Variants in TTC39B observed in about 807,000 individuals in gnomAD.
TTC39B encodes tetratricopeptide repeat protein 39B.
A neutral mutation model predicts 96.6 loss-of-function variants in TTC39B; 92 were observed. The observed-to-expected ratio is 0.95, with a 90% CI of 0.80 to 1.13. TTC39B has a LOEUF of 1.13. Ranked by LOEUF, TTC39B falls within the 50% of genes most tolerant of loss-of-function variation. The pLI is 0.00. For synonymous variants in TTC39B, 367 were observed against 299.4 expected (o/e 1.23, Z -2.33); for missense variants, 955 against 809.3 (o/e 1.18, Z -2.18).
chr9:15,261,376 T>A (rs1822939386), intron 2 of TTC39B, among the ~76,000 whole-genome samples: 1 of 151,896 alleles, frequency 6.6e-6, no homozygotes, highest in Non-Finnish European at 1.5e-5. Context: ...CTTGGGAGGC[T>A]AGGTGGGAGG....
At chr9:15,223,154 A>T (rs981609210) in intron 3 of TTC39B, among the ~76,000 whole-genome samples, 3 of 152,234 alleles carry the variant, frequency 2.0e-5, no homozygotes, top group Non-Finnish European at 2.9e-5. Context: ...GTGACAAGGC[A>T]TTTTAGCTGA....
intron 3 of TTC39B, 132 bp from the exon 4 acceptor site, chr9:15,214,381 TG>T: frequency 1.5e-6 from 1 of 654,792 alleles, no homozygotes; most frequent in Non-Finnish European, 2.6e-6. Context: ...TGTCTGTGTG[TG>T]GATTCTGGAG....
intron 19 of TTC39B, among the ~76,000 whole-genome samples, chr9:15,173,747 CA>C (rs889741300): frequency 2.0e-5 from 3 of 152,164 alleles, no homozygotes; most frequent in Admixed American, 1.3e-4. Context: ...CTGTTGACTG[CA>C]ATCTCTACAT....
At chr9:15,174,082 C>A (rs757918895) in intron 19 of TTC39B, among the ~76,000 whole-genome samples, 1 of 152,096 alleles carries the variant, frequency 6.6e-6, no homozygotes, top group Non-Finnish European at 1.5e-5. Flanking sequence ...ATCATTTCCC[C>A]AAGGAAATAT....
Position 15,306,989 on chromosome 9 carries a change from C to T in TTC39B, c.240+95G>A. 2.0e-6 allele frequency: 3 copies of T among 1,525,544 alleles called. No individual in the cohort carries two copies. The highest frequency in any genetic ancestry group is 2.6e-6 in the Non-Finnish European group (3 of 1,132,396). 94.5% of individuals were successfully genotyped at this position (1,525,544 alleles called of 1,614,324 possible). A position where few individuals can be genotyped will look rare whatever the true frequency, so the allele number is the denominator to read the frequency against. On this transcript the variant is annotated intron_variant, in intron 1 of 19. Transcript: ENST00000512701. This position sits in a 1 kb window ranked among gnomAD's most constrained non-coding sequence, Gnocchi z 5.1. ...CACCCCAGAGAGGGGACCAAGGGGGCGGGGCCTCGGCCGTCCTAGCCGGGC... is the reference window on the plus strand; with the variant it reads ...CACCCCAGAGAGGGGACCAAGGGGGTGGGGCCTCGGCCGTCCTAGCCGGGC...
chr9:15,250,589 C>A (rs1351233927), intron 2 of TTC39B, among the ~76,000 whole-genome samples: 1 of 152,084 alleles, frequency 6.6e-6, no homozygotes, highest in Non-Finnish European at 1.5e-5. Context: ...GGGAATTAAA[C>A]ACATATATGA....
chr9:15,220,941 T>C lies in TTC39B; in HGVS notation c.371+4976A>G, dbSNP rs1208414401. 4.6e-5 allele frequency among the ~76,000 whole-genome samples: 7 copies of C among 152,172 alleles called. No homozygotes were observed. The East Asian group carries it at 1.3e-3, about 29-fold the overall frequency. On this transcript the variant is annotated intron_variant, in intron 3 of 19. Coordinates refer to ENST00000512701, the Ensembl canonical transcript of TTC39B. ...GCTAAGCAAGGTCGAGCCTGGTTAGTACTTGGACAAGAGACATTTTGGGCA... is the reference window on the plus strand; with the variant it reads ...GCTAAGCAAGGTCGAGCCTGGTTAGCACTTGGACAAGAGACATTTTGGGCA...
chr9:15,289,124 G>A (rs999690522), intron 1 of TTC39B, among the ~76,000 whole-genome samples: 1 of 152,182 alleles, frequency 6.6e-6, no homozygotes, highest in African/African-American at 2.4e-5. Flanking sequence ...AGGAAACTGT[G>A]GCTCAAAGTG....
intron 6 of TTC39B, among the ~76,000 whole-genome samples, chr9:15,205,659 A>C (rs144306737): frequency 1.5e-3 from 228 of 152,318 alleles, no homozygotes; most frequent in Middle Eastern, 0.014. Context: ...CGGGATACCA[A>C]CTGGTAACTT....
intron 3 of TTC39B, 66 bp from the exon 4 acceptor site, chr9:15,214,315 A>AGTGTGTGTGTGT (rs199807096): frequency 4.4e-4 from 323 of 732,818 alleles, no homozygotes; most frequent in African/African-American, 1.6e-3. Flanking sequence ...GTCCGAAGGG[A>AGTGTGTGTGTGT]GTGTGTGTGT....
chr9:15,204,758 G>A (rs569819688), intron 6 of TTC39B, among the ~76,000 whole-genome samples: 1 of 152,072 alleles, frequency 6.6e-6, no homozygotes, highest in Admixed American at 6.5e-5. Flanking sequence ...TATAGAAAGA[G>A]GTAGCACTAC....
intron 2 of TTC39B, among the ~76,000 whole-genome samples, chr9:15,245,331 C>G (rs1429095851): frequency 6.6e-5 from 10 of 152,096 alleles, no homozygotes; most frequent in Admixed American, 3.3e-4. Context: ...GTAGGAAAAA[C>G]AAACAAAACT....
intron 1 of TTC39B, among the ~76,000 whole-genome samples, chr9:15,271,558 G>C (rs1262769422): frequency 2.0e-5 from 3 of 152,140 alleles, no homozygotes; most frequent in Non-Finnish European, 4.4e-5. Context: ...AGTAGGGTTA[G>C]CTCTCCTGAG....
At chr9:15,260,856 G>A (rs888704840) in intron 2 of TTC39B, among the ~76,000 whole-genome samples, 5 of 152,166 alleles carry the variant, frequency 3.3e-5, no homozygotes, top group Admixed American at 3.3e-4. Context: ...CTACAGGTAA[G>A]TACAAATTCA....
chr9:15,211,976 A>G (rs1020717290), intron 4 of TTC39B, among the ~76,000 whole-genome samples: 1 of 152,214 alleles, frequency 6.6e-6, no homozygotes, highest in Non-Finnish European at 1.5e-5. Flanking sequence ...TCAAATCATC[A>G]AGTTACAGTG....
chr9:15,219,116 T>C (rs544165676), intron 3 of TTC39B, among the ~76,000 whole-genome samples: 1 of 152,304 alleles, frequency 6.6e-6, no homozygotes, highest in African/African-American at 2.4e-5. Flanking sequence ...AAAGGAAAAG[T>C]CTTTTCTCTA....
intron 3 of TTC39B, among the ~76,000 whole-genome samples, chr9:15,219,952 C>A (rs867349017): frequency 1.3e-5 from 2 of 152,306 alleles, no homozygotes; most frequent in Non-Finnish European, 1.5e-5. Context: ...CGCATCTAAG[C>A]TATAATACAT....
At chr9:15,262,593 T>C (rs7870423) in intron 2 of TTC39B, among the ~76,000 whole-genome samples, 4,334 of 152,192 alleles carry the variant, frequency 0.028, 197 homozygotes, top group African/African-American at 0.099. Flanking sequence ...TTTCTCAAAA[T>C]AGTTAAAATA....
At chr9:15,203,081 C>T (rs1819635457) in intron 7 of TTC39B, among the ~76,000 whole-genome samples, 1 of 152,186 alleles carries the variant, frequency 6.6e-6, no homozygotes, top group African/African-American at 2.4e-5. Context: ...GCTATGCATG[C>T]ATAACTGAAC....
Sources: gnomAD v4.1 joint callset for allele counts (sites outside exome capture counted in the v4.1 genomes callset) on GRCh38, gnomAD v4.1.1 for gene constraint, Gnocchi (gnomAD v3.1) non-coding constraint, MANE v1.5 for transcripts, NCBI Gene and HGNC (gene_info 2026-07-23, HGNC 2026-07-21) for gene names.